Variants in NBEA observed in about 807,000 individuals in gnomAD.
NBEA encodes lysosomal-trafficking regulator 2.
A neutral mutation model predicts 343.4 loss-of-function variants in NBEA; 44 were observed. The ratio of observed to expected loss-of-function variants is 0.13; its 90% CI spans 0.10 to 0.16. NBEA has a LOEUF of 0.16. NBEA is among the 10% of genes least tolerant of loss of function. The pLI is 1.00. For synonymous variants in NBEA, 1,175 were observed against 1,238.7 expected, an observed-to-expected ratio of 0.95 and a Z score of 1.08; for missense variants, 2,555 against 3,631.3, an observed-to-expected ratio of 0.70 and a Z score of 7.62.
At chr13:35,531,229 A>G (rs1594896746) in intron 41 of NBEA, among the ~76,000 whole-genome samples, 3 of 152,176 alleles carry the variant, frequency 2.0e-5, no homozygotes. Flanking sequence ...AGAAATTATT[A>G]TTCTGGGTTG....
At chr13:35,043,691 A>C (rs2062738858) in intron 2 of NBEA, among the ~76,000 whole-genome samples, 1 of 151,900 alleles carries the variant, frequency 6.6e-6, no homozygotes. Flanking sequence ...GTGTTAAATA[A>C]AATTATTTAA....
At chr13:35,578,847 C>T (rs186783976) in intron 45 of NBEA, among the ~76,000 whole-genome samples, 1 of 152,130 alleles carries the variant, frequency 6.6e-6, no homozygotes, top group Admixed American at 6.5e-5. Context: ...AATGAGATAG[C>T]TTGGGAACAG....
chr13:35,010,741 A>AAAAAT (rs1555275017), intron 1 of NBEA, among the ~76,000 whole-genome samples: 2 of 31,966 alleles, frequency 6.3e-5, no homozygotes, highest in African/African-American at 2.0e-4. Flanking sequence ...AAAAAAAAAA[A>AAAAAT]ATATATATAT....
intron 13 of NBEA, among the ~76,000 whole-genome samples, chr13:35,112,410 C>G (rs1376069430): frequency 6.6e-6 from 1 of 151,970 alleles, no homozygotes; most frequent in African/African-American, 2.4e-5. Context: ...CATATACATA[C>G]ATAAGACTGC....
chr13:35,641,797 A>G (rs1041192507), intron 49 of NBEA, among the ~76,000 whole-genome samples: 3 of 152,038 alleles, frequency 2.0e-5, no homozygotes, highest in African/African-American at 7.2e-5. Flanking sequence ...CCTCTGTCTT[A>G]ATGTAGATGG....
At chr13:35,384,387 C>T (rs1234724164) in intron 38 of NBEA, among the ~76,000 whole-genome samples, 2 of 152,124 alleles carry the variant, frequency 1.3e-5, no homozygotes, top group African/African-American at 2.4e-5. Context: ...TCCAAAAGTA[C>T]GTTATATGTA....
At chr13:35,325,710 A>G (rs2038509311) in intron 36 of NBEA, among the ~76,000 whole-genome samples, 1 of 152,066 alleles carries the variant, frequency 6.6e-6, no homozygotes, top group African/African-American at 2.4e-5. Flanking sequence ...AAGACGATTT[A>G]TCATAAATTT....
At chr13:35,085,105 A>G (rs528043024) in intron 10 of NBEA, among the ~76,000 whole-genome samples, 1 of 152,218 alleles carries the variant, frequency 6.6e-6, no homozygotes, top group Non-Finnish European at 1.5e-5. Flanking sequence ...CTTACCAACC[A>G]AAAAAAGTCC....
rs1430812464 is a variant in NBEA at position 35,041,125 on chromosome 13, G to A, written c.487G>A (p.Val163Ile). The change falls in exon 2 of 59, where the codon GTA becomes ATA. Residue 163 changes from valine to isoleucine, a missense_variant. Transcript: ENST00000379939. ...CACAGAAGTTGGGCTAATTGAACAA[G>A]TATTGCTGAAAATGAGTGCTGTAGA... ...TSTEVGLIEQVLLKMSAVDDM... is the reference protein window; with the variant it reads ...TSTEVGLIEQILLKMSAVDDM... The A allele has an allele frequency of 6.2e-7, 1 of 1,612,412 alleles. No individual in the cohort carries two copies. The highest frequency in any genetic ancestry group is 1.1e-5 in the South Asian group (1 of 91,020).
chr13:35,253,180 T>G (rs773614083), intron 34 of NBEA, among the ~76,000 whole-genome samples: 19 of 151,942 alleles, frequency 1.3e-4, no homozygotes, highest in Non-Finnish European at 7.4e-5. Flanking sequence ...AACCCGAAAA[T>G]TGGAAATAAA....
intron 36 of NBEA, among the ~76,000 whole-genome samples, chr13:35,348,854 A>T (rs540327379): frequency 2.0e-5 from 3 of 152,206 alleles, no homozygotes; most frequent in Non-Finnish European, 4.4e-5. Flanking sequence ...ATTTTTGAGG[A>T]ACCTATCTTA....
In NBEA at chr13:35,103,613, A is replaced by G. The variant is rs976452872; in HGVS notation, c.1680+5208A>G. Among the ~76,000 whole-genome samples, 21 of 151,664 alleles carry G rather than the reference A, an allele frequency of 1.4e-4. 2 individuals carry two copies. The highest frequency in any genetic ancestry group is 1.1e-3 in the Admixed American group (16 of 15,202). On this transcript the variant is annotated intron_variant, in intron 11 of 58. Coordinates refer to ENST00000379939, the MANE Select transcript of NBEA (RefSeq NM_001385012.1). Reference sequence around the variant, plus strand: ...CTAATTACTCTCAATTGTTTCTCCTATTTTTAGTTCCACTTGGATTTCTGG... The same window carrying G: ...CTAATTACTCTCAATTGTTTCTCCTGTTTTTAGTTCCACTTGGATTTCTGG...
chr13:35,021,172 G>A (rs1361574139), intron 1 of NBEA, among the ~76,000 whole-genome samples: 1 of 151,588 alleles, frequency 6.6e-6, no homozygotes, highest in South Asian at 2.1e-4. Flanking sequence ...GCAAACTATT[G>A]CCTATCTGCT....
At chr13:35,118,528 C>T (rs1429231385) in intron 16 of NBEA, 54 bp downstream of exon 16, 22 of 1,280,430 alleles carry the variant, frequency 1.7e-5, no homozygotes, top group Non-Finnish European at 2.3e-5. Context: ...ACAGTTGTTC[C>T]TCCTAGAATA....
chr13:35,662,402 A>G (rs2085140363), intron 55 of NBEA, among the ~76,000 whole-genome samples: 1 of 152,192 alleles, frequency 6.6e-6, no homozygotes, highest in Admixed American at 6.5e-5. Flanking sequence ...CCTGGGCTAC[A>G]TCCATCAACT....
At chr13:35,023,117 A>C (rs1184197181) in intron 1 of NBEA, among the ~76,000 whole-genome samples, 1 of 152,164 alleles carries the variant, frequency 6.6e-6, no homozygotes, top group Non-Finnish European at 1.5e-5. Flanking sequence ...AGACAAATAT[A>C]GTTATCAAAA....
At chr13:35,172,936 A>G (rs1039939753) in intron 26 of NBEA, among the ~76,000 whole-genome samples, 13 of 152,138 alleles carry the variant, frequency 8.5e-5, no homozygotes, top group African/African-American at 3.1e-4. Context: ...TTGAATGCTT[A>G]TTGACAAAGC....
intron 38 of NBEA, among the ~76,000 whole-genome samples, chr13:35,421,444 C>A (rs1594573147): frequency 2.0e-5 from 3 of 152,068 alleles, no homozygotes; most frequent in Admixed American, 2.0e-4. Context: ...GACACTATGT[C>A]CTTTCACATC....
intron 1 of NBEA, among the ~76,000 whole-genome samples, chr13:35,022,192 ATATC>A (rs1305916385): frequency 2.3e-4 from 35 of 152,280 alleles, no homozygotes; most frequent in African/African-American, 8.2e-4. Context: ...TATCCTTACT[ATATC>A]TATTGTTATA....
Sources: gnomAD v4.1 joint callset for allele counts (sites outside exome capture counted in the v4.1 genomes callset) on GRCh38, gnomAD v4.1.1 for gene constraint, MANE v1.5 for transcripts, NCBI Gene and HGNC (gene_info 2026-07-23, HGNC 2026-07-21) for gene names.